Variants in ATAD2 observed in about 807,000 individuals in gnomAD.
The protein encoded by ATAD2 is ATPase family AAA domain-containing protein 2.
A neutral mutation model predicts 168.9 loss-of-function variants in ATAD2; 62 were observed. That is an observed-to-expected ratio of 0.37 (90% CI 0.30 to 0.45). The LOEUF (loss-of-function observed/expected upper bound fraction) is 0.45. Ranked by LOEUF, ATAD2 falls within the 20% of genes least tolerant of loss-of-function variation. The probability of loss-of-function intolerance (pLI) is 1.00; values close to 1 mark genes in which losing one functional copy is unlikely to be tolerated. For synonymous variants in ATAD2, 613 were observed against 571.6 expected, an observed-to-expected ratio of 1.07 and a Z score of -1.03; for missense variants, 1,419 against 1,667.8, an observed-to-expected ratio of 0.85 and a Z score of 2.60.
intron 24 of ATAD2, among the ~76,000 whole-genome samples, chr8:123,331,193 G>C (rs1477380967): frequency 6.6e-6 from 1 of 151,974 alleles, no homozygotes; most frequent in East Asian, 1.9e-4. Flanking sequence ...CACCCACCTT[G>C]ACCTCCCAAA....
rs1207502622 is a variant in ATAD2 at position 123,402,492 on chromosome 8, C to T, written c.-2281-1317G>A. 2.6e-5 allele frequency among the ~76,000 whole-genome samples: 4 copies of T among 152,184 alleles called. No homozygotes were observed. In the East Asian group the frequency reaches 7.7e-4, roughly 29 times the overall value. ...CCCAGGAAATGGTGCTCTCCTGGCC[C>T]TGCCTCTGGCCTACTGCCCCCTCAG... On this transcript the variant is annotated intron_variant, in intron 1 of 28. Transcript: ENST00000521903. The surrounding 1 kb of genome is among the most constrained non-coding windows in gnomAD (Gnocchi z 4.8).
intron 1 of ATAD2, among the ~76,000 whole-genome samples, chr8:123,411,587 GAAA>G (rs1253558910): frequency 6.6e-6 from 1 of 151,962 alleles, no homozygotes; most frequent in Admixed American, 6.6e-5. Context: ...TGCTAATTAG[GAAA>G]AAATAGGAGG....
At chr8:123,367,817 C>G (rs1442379471) in intron 8 of ATAD2, among the ~76,000 whole-genome samples, 1 of 152,112 alleles carries the variant, frequency 6.6e-6, no homozygotes, top group Non-Finnish European at 1.5e-5. Flanking sequence ...AATGAAAAGA[C>G]CTAGGGACAC....
intron 19 of ATAD2, among the ~76,000 whole-genome samples, chr8:123,343,494 G>C (rs978694740): frequency 6.6e-6 from 1 of 152,004 alleles, no homozygotes; most frequent in South Asian, 2.1e-4. Context: ...CCAGTGCCTA[G>C]AACCACACCT....
intron 26 of ATAD2, 63 bp downstream of exon 26, chr8:123,325,830 C>A: frequency 1.9e-6 from 3 of 1,575,984 alleles, no homozygotes; most frequent in Non-Finnish European, 2.6e-6. Flanking sequence ...CTACTAGTCA[C>A]AAGCCAGTGT....
intron 22 of ATAD2, among the ~76,000 whole-genome samples, chr8:123,335,413 A>G (rs1207192743): frequency 6.6e-6 from 1 of 152,198 alleles, no homozygotes; most frequent in Non-Finnish European, 1.5e-5. Flanking sequence ...ATTGTTGAAA[A>G]AAATTTTAGT....
chr8:123,372,891 A>AC (rs1829189713), intron 2 of ATAD2, among the ~76,000 whole-genome samples: 1 of 144,928 alleles, frequency 6.9e-6, no homozygotes, highest in African/African-American at 2.6e-5. Context: ...CATCCAGCTA[A>AC]CTTTTTTTTT....
upstream of ATAD2, chr8:123,400,950 C>A: frequency 7.1e-7 from 1 of 1,415,600 alleles, no homozygotes; most frequent in Non-Finnish European, 9.9e-7. This position sits in a 1 kb window ranked among gnomAD's most constrained non-coding sequence, Gnocchi z 4.5. Flanking sequence ...GCCCCTCGCA[C>A]CCTGTGGGTG....
At chr8:123,390,399 G>A (rs1829796505) in intron 1 of ATAD2, among the ~76,000 whole-genome samples, 1 of 152,062 alleles carries the variant, frequency 6.6e-6, no homozygotes, top group African/African-American at 2.4e-5. Context: ...CCCACATAAA[G>A]CTGTAACCTC....
chr8:123,329,537 C>T (rs535039706), intron 24 of ATAD2, among the ~76,000 whole-genome samples: 23 of 151,954 alleles, frequency 1.5e-4, no homozygotes, highest in African/African-American at 3.1e-4. Context: ...CTGAGGCGGG[C>T]GGATCACGAG....
At chr8:123,339,172 G>C (rs1280013915) in intron 20 of ATAD2, 139 bp downstream of exon 20, 2 of 738,328 alleles carry the variant, frequency 2.7e-6, no homozygotes, top group Non-Finnish European at 4.3e-6. Context: ...GGGAAGCATA[G>C]AGATTTTTAA....
Position 123,346,136 on chromosome 8 carries a change from G to T in ATAD2, c.2482C>A (p.Pro828Thr), listed in dbSNP as rs375157218. Residue 828 changes from proline (P) to threonine (T), a missense_variant, in exon 18 of 28, where the codon CCT becomes ACT. Around this residue, in one of 5 missense-constraint regions of ATAD2, gnomAD observed 545 missense variants for 724.9 expected, o/e 0.75. Transcript: ENST00000287394. ...GTAGTACTAACTCCAAAAAGAACAG[G>T]AATGTCTAATGTATATACAGTAAAC... Reference protein sequence around the residue: ...EKFTVYTLDIPVLFGVSTTSP... With the variant: ...EKFTVYTLDITVLFGVSTTSP... 1.9e-6 allele frequency: 3 copies of T among 1,601,038 alleles called. No homozygotes were observed. The highest frequency in any genetic ancestry group is 2.6e-6 in the Non-Finnish European group (3 of 1,175,248).
chr8:123,382,117 CCTACTA>C (rs1488043566), intron 1 of ATAD2, among the ~76,000 whole-genome samples: 10 of 152,162 alleles, frequency 6.6e-5, no homozygotes, highest in African/African-American at 2.4e-4. Flanking sequence ...AATTCTATGC[CCTACTA>C]CTCTGAAAAC....
At chr8:123,341,768 C>G (rs187210467) in intron 19 of ATAD2, among the ~76,000 whole-genome samples, 46 of 152,314 alleles carry the variant, frequency 3.0e-4, no homozygotes, top group Middle Eastern at 3.4e-3. Flanking sequence ...ACTTCCAAGT[C>G]AGGCACAAGC....
intron 13 of ATAD2, among the ~76,000 whole-genome samples, chr8:123,354,224 C>A (rs774015609): frequency 1.3e-5 from 2 of 152,156 alleles, no homozygotes; most frequent in Non-Finnish European, 2.9e-5. Flanking sequence ...TAATGACATT[C>A]ACATAATTAC....
intron 8 of ATAD2, among the ~76,000 whole-genome samples, chr8:123,362,317 AAG>A (rs1401510400): frequency 6.6e-6 from 1 of 151,304 alleles, no homozygotes; most frequent in Non-Finnish European, 1.5e-5. Flanking sequence ...AAAAAAAAAA[AAG>A]TATTTGGGAC....
At chr8:123,355,079 A>T (rs1299622107) in intron 13 of ATAD2, among the ~76,000 whole-genome samples, 1 of 151,780 alleles carries the variant, frequency 6.6e-6, no homozygotes, top group Non-Finnish European at 1.5e-5. Context: ...AATGCGTCAC[A>T]TATAAAAAGT....
intron 2 of ATAD2, among the ~76,000 whole-genome samples, chr8:123,376,027 C>A: frequency 6.7e-6 from 1 of 148,498 alleles, no homozygotes; most frequent in Non-Finnish European, 1.5e-5. Context: ...ACTGCTTGAA[C>A]CTGGGAGGCG....
chr8:123,396,023 C>T (rs1354681437), intron 1 of ATAD2, among the ~76,000 whole-genome samples, 164 bp downstream of exon 1: 1 of 152,226 alleles, frequency 6.6e-6, no homozygotes, highest in Non-Finnish European at 1.5e-5. Flanking sequence ...CCGACCCGCA[C>T]CTCCGATCCC....
Sources: gnomAD v4.1 joint callset for allele counts (sites outside exome capture counted in the v4.1 genomes callset) on GRCh38, gnomAD v4.1.1 for gene constraint, gnomAD v4.1.1 regional missense constraint, Gnocchi (gnomAD v3.1) non-coding constraint, MANE v1.5 for transcripts, NCBI Gene and HGNC (gene_info 2026-07-23, HGNC 2026-07-21) for gene names.